Variants in ZNF385D observed in about 807,000 individuals in gnomAD.
ZNF385D encodes zinc finger protein 385D, also known as zinc finger protein 659.
ZNF385D carries 15 observed loss-of-function variants against 35.8 expected under a neutral mutation model. The observed-to-expected ratio is 0.42, with a 90% CI of 0.28 to 0.64. The LOEUF (loss-of-function observed/expected upper bound fraction) is 0.64, where lower values mean the gene tolerates loss of function less well. Among genes scored for constraint, ZNF385D ranks in the 30% least tolerant of loss-of-function variants. The pLI is 0.23. For synonymous variants in ZNF385D, 212 were observed against 186.8 expected (o/e 1.13, Z -1.10); for missense variants, 474 against 494.6 (o/e 0.96, Z 0.39).
At chr3:21,920,691 G>A (rs8180049) in intron 3 of ZNF385D, among the ~76,000 whole-genome samples, 80,042 of 150,112 alleles carry the variant, frequency 0.53, 23,389 homozygotes, top group South Asian at 0.66. Context: ...AATTTTGTGG[G>A]GTGAAGTAAA....
At chr3:22,329,082 A>G (rs1694815163) in intron 2 of ZNF385D, among the ~76,000 whole-genome samples, 2 of 151,142 alleles carry the variant, frequency 1.3e-5, no homozygotes, top group African/African-American at 4.9e-5. Flanking sequence ...GTCTCAAAAA[A>G]AAAAAAAAAA....
intron 4 of ZNF385D, among the ~76,000 whole-genome samples, chr3:21,479,358 G>A (rs1387501968): frequency 6.6e-6 from 1 of 151,960 alleles, no homozygotes; most frequent in Non-Finnish European, 1.5e-5. Context: ...ATGTTATGAT[G>A]TGTTAATGAT....
At chr3:21,466,437 A>G (rs1408965519) in intron 4 of ZNF385D, among the ~76,000 whole-genome samples, 1 of 152,142 alleles carries the variant, frequency 6.6e-6, no homozygotes, top group East Asian at 1.9e-4. Context: ...GCTAATGTGT[A>G]CTTACCTCTT....
intron 3 of ZNF385D, among the ~76,000 whole-genome samples, chr3:21,948,556 G>T (rs1237969393): frequency 6.6e-6 from 1 of 151,978 alleles, no homozygotes; most frequent in African/African-American, 2.4e-5. Flanking sequence ...TTATATATTT[G>T]TATATGCCAT....
rs1034661642 is a variant in ZNF385D at position 21,420,408 on chromosome 3, G to C, written c.*806C>G. Reference sequence around the variant, plus strand: ...ATAGGTTCATTATAAACACTTCCCTGTTTCCAGCAATATATCTTCAGGGTG... The same window carrying C: ...ATAGGTTCATTATAAACACTTCCCTCTTTCCAGCAATATATCTTCAGGGTG... On this transcript the variant is annotated 3_prime_UTR_variant, in exon 8 of 8. Coordinates refer to ENST00000281523, the MANE Select transcript of ZNF385D (RefSeq NM_024697.3). 8.5e-5 allele frequency: 13 copies of C among 152,242 alleles called. No individual in the cohort carries two copies. The East Asian group carries it at 2.1e-3, about 25-fold the overall frequency. 9.4% of individuals were successfully genotyped at this position (152,242 alleles called of 1,614,324 possible). A position where few individuals can be genotyped will look rare whatever the true frequency, so the allele number is the denominator to read the frequency against.
chr3:22,214,344 T>A (rs1697719470), intron 2 of ZNF385D, among the ~76,000 whole-genome samples: 1 of 152,022 alleles, frequency 6.6e-6, no homozygotes, highest in African/African-American at 2.4e-5. Flanking sequence ...CTGTGATAAT[T>A]GCATTAACTG....
chr3:21,784,785 A>C (rs73142809), intron 3 of ZNF385D, among the ~76,000 whole-genome samples: 25,747 of 152,150 alleles, frequency 0.17, 2,411 homozygotes, highest in Non-Finnish European at 0.2. Context: ...ATTTTAAATA[A>C]GGACAGGGTC....
intron 2 of ZNF385D, among the ~76,000 whole-genome samples, chr3:22,228,018 A>T (rs937773942): frequency 6.6e-6 from 1 of 152,058 alleles, no homozygotes; most frequent in Non-Finnish European, 1.5e-5. Context: ...CTAAGCCCAA[A>T]TTTTGAGGTT....
At chr3:21,868,753 C>A (rs1450199659) in intron 3 of ZNF385D, among the ~76,000 whole-genome samples, 1 of 152,086 alleles carries the variant, frequency 6.6e-6, no homozygotes, top group Non-Finnish European at 1.5e-5. Context: ...TTTCCAGCAT[C>A]TAAATAAGTT....
At chr3:21,600,479 C>T (rs974016197) in intron 2 of ZNF385D, among the ~76,000 whole-genome samples, 1 of 152,214 alleles carries the variant, frequency 6.6e-6, no homozygotes, top group Non-Finnish European at 1.5e-5. Flanking sequence ...AACAAGACCA[C>T]ACTCATTCAT....
intron 2 of ZNF385D, among the ~76,000 whole-genome samples, chr3:22,341,510 A>G (rs1314886836): frequency 6.6e-6 from 1 of 152,180 alleles, no homozygotes; most frequent in Non-Finnish European, 1.5e-5. Context: ...TGACATCTCT[A>G]GAGGTCAGTC....
chr3:21,534,129 T>A (rs1313054020), intron 3 of ZNF385D, among the ~76,000 whole-genome samples: 1 of 147,896 alleles, frequency 6.8e-6, no homozygotes, highest in African/African-American at 2.5e-5. Context: ...TCACAGAAGT[T>A]AAAAAAAAAA....
chr3:22,245,220 T>G (rs1048141238), intron 2 of ZNF385D, among the ~76,000 whole-genome samples: 1 of 152,090 alleles, frequency 6.6e-6, no homozygotes, highest in South Asian at 2.1e-4. Context: ...CCAATATAAA[T>G]TTTTCAGCTA....
chr3:22,327,427 T>G (rs946638207), intron 2 of ZNF385D, among the ~76,000 whole-genome samples: 7 of 152,058 alleles, frequency 4.6e-5, no homozygotes, highest in African/African-American at 1.7e-4. Context: ...CTACATTAAC[T>G]AACCCATCCT....
intron 2 of ZNF385D, among the ~76,000 whole-genome samples, chr3:22,362,072 G>A (rs930741611): frequency 6.6e-6 from 1 of 151,290 alleles, no homozygotes; most frequent in Non-Finnish European, 1.5e-5. Context: ...ATGCTATTTG[G>A]TTTTTTCAAA....
intron 2 of ZNF385D, among the ~76,000 whole-genome samples, chr3:22,212,049 T>C (rs768798543): frequency 1.3e-5 from 2 of 152,016 alleles, no homozygotes; most frequent in Non-Finnish European, 2.9e-5. Flanking sequence ...TGTACTGCAA[T>C]AGGGAAAGTG....
At chr3:22,065,806 T>C (rs1463578) in intron 3 of ZNF385D, among the ~76,000 whole-genome samples, 32,285 of 152,084 alleles carry the variant, frequency 0.21, 4,237 homozygotes, top group Middle Eastern at 0.36. Context: ...GTGTAAGTCA[T>C]AAAATATGTT....
chr3:21,463,054 A>G (rs767623021), intron 4 of ZNF385D, among the ~76,000 whole-genome samples: 2 of 152,180 alleles, frequency 1.3e-5, no homozygotes, highest in Non-Finnish European at 2.9e-5. Flanking sequence ...AAACTTTAAA[A>G]TACTGTTTCA....
At chr3:22,201,287 G>A (rs371562638) in intron 2 of ZNF385D, among the ~76,000 whole-genome samples, 51 of 152,166 alleles carry the variant, frequency 3.4e-4, no homozygotes, top group South Asian at 2.9e-3. Context: ...CTGACATCCC[G>A]CAACACAAGA....
Sources: gnomAD v4.1 joint callset for allele counts (sites outside exome capture counted in the v4.1 genomes callset) on GRCh38, gnomAD v4.1.1 for gene constraint, MANE v1.5 for transcripts, NCBI Gene and HGNC (gene_info 2026-07-23, HGNC 2026-07-21) for gene names.